Variants in CABCOCO1 observed in about 807,000 individuals in gnomAD.
CABCOCO1 encodes the protein ciliary associated calcium binding coiled-coil 1, also known as ciliary-associated calcium-binding coiled-coil protein 1.
Under a neutral mutation model 35.7 loss-of-function variants are expected in CABCOCO1, and 28 were observed. The observed-to-expected ratio is 0.78, with a 90% CI of 0.58 to 1.07. CABCOCO1 has a LOEUF of 1.07. Among genes scored for constraint, CABCOCO1 ranks in the 50% least tolerant of loss-of-function variants. The pLI, the probability that CABCOCO1 is intolerant of heterozygous loss-of-function variation, is 0.00. For synonymous variants in CABCOCO1, 95 were observed against 100.1 expected, an observed-to-expected ratio of 0.95 and a Z score of 0.30; for missense variants, 326 against 309.2, an observed-to-expected ratio of 1.05 and a Z score of -0.41.
At chr10:61,689,989 A>T (rs1840086748) in intron 4 of CABCOCO1, among the ~76,000 whole-genome samples, 1 of 152,070 alleles carries the variant, frequency 6.6e-6, no homozygotes, top group African/African-American at 2.4e-5. Context: ...TTTCCCTTTC[A>T]TGTATGACCG....
chr10:61,703,738 C>T (rs918054792), intron 5 of CABCOCO1, among the ~76,000 whole-genome samples: 5 of 152,088 alleles, frequency 3.3e-5, no homozygotes, highest in African/African-American at 9.7e-5. Context: ...CACACACACA[C>T]ATATGCACGC....
At chr10:61,679,748 T>C (rs2393828) in intron 2 of CABCOCO1, among the ~76,000 whole-genome samples, 4 of 151,790 alleles carry the variant, frequency 2.6e-5, no homozygotes, top group Admixed American at 6.6e-5. Flanking sequence ...GAAAGAGAAA[T>C]AGCAAATCAA....
At chr10:61,752,521 C>T (rs1171930533) in intron 5 of CABCOCO1, among the ~76,000 whole-genome samples, 2 of 152,152 alleles carry the variant, frequency 1.3e-5, no homozygotes, top group Admixed American at 6.6e-5. Flanking sequence ...AAACATCATG[C>T]TTTCTGCAAA....
chr10:61,726,216 A>G (rs1312434467), intron 5 of CABCOCO1, among the ~76,000 whole-genome samples: 10 of 152,216 alleles, frequency 6.6e-5, no homozygotes, highest in Non-Finnish European at 1.5e-5. Context: ...GTTATTTATT[A>G]CAATCACGAA....
At chr10:61,729,788 A>G (rs1290483601) in intron 5 of CABCOCO1, among the ~76,000 whole-genome samples, 1 of 152,206 alleles carries the variant, frequency 6.6e-6, no homozygotes, top group East Asian at 1.9e-4. Flanking sequence ...GCCTTTAAAA[A>G]GAAGGCAATT....
At chr10:61,734,969 G>A (rs1841383829) in intron 5 of CABCOCO1, among the ~76,000 whole-genome samples, 1 of 152,082 alleles carries the variant, frequency 6.6e-6, no homozygotes, top group Non-Finnish European at 1.5e-5. Context: ...ACCTTAAAAT[G>A]TTAAATAAAA....
At chr10:61,680,710 TGTATAACATATATATTATATATATA>T (rs1373496373) in intron 2 of CABCOCO1, among the ~76,000 whole-genome samples, 2 of 102,558 alleles carry the variant, frequency 2.0e-5, no homozygotes, top group African/African-American at 8.0e-5. Context: ...ATGTTATACA[TGTATAACATATATATTATATATATA>T]ATATATATAT....
At chr10:61,730,186 G>A in intron 5 of CABCOCO1, among the ~76,000 whole-genome samples, 1 of 149,066 alleles carries the variant, frequency 6.7e-6, no homozygotes, top group Non-Finnish European at 1.5e-5. Context: ...AAAAAAACTA[G>A]AGCTTCTTAA....
intron 1 of CABCOCO1, among the ~76,000 whole-genome samples, chr10:61,672,209 G>T (rs1409580520): frequency 6.6e-6 from 1 of 152,046 alleles, no homozygotes; most frequent in Non-Finnish European, 1.5e-5. Context: ...CTTTCTTTTA[G>T]ACTGAATGCC....
At position 61,763,177 on chromosome 10, in the gene CABCOCO1, C is replaced by A. The variant is rs150494616; in HGVS notation, c.816+2174C>A. Among the ~76,000 whole-genome samples the A allele has an allele frequency of 4.6e-3, 696 of 151,968 alleles. 9 individuals are homozygous for A. Among genetic ancestry groups the A allele is most frequent in the African/African-American group, 0.016 (648 of 41,492 alleles). ...TTGTTTAAAAGTCATACTGTTATTA[C>A]AATTTTTGCAAAAAAAAGGCAGTAA... On this transcript the variant is annotated intron_variant, in intron 7 of 7. Transcript: ENST00000648843.
At chr10:61,740,152 G>T (rs918356107) in intron 5 of CABCOCO1, among the ~76,000 whole-genome samples, 1 of 152,230 alleles carries the variant, frequency 6.6e-6, no homozygotes, top group African/African-American at 2.4e-5. Flanking sequence ...TAAGTTTAAT[G>T]TGATATTGGA....
At chr10:61,721,180 T>C (rs1841011185) in intron 5 of CABCOCO1, among the ~76,000 whole-genome samples, 1 of 151,782 alleles carries the variant, frequency 6.6e-6, no homozygotes, top group Non-Finnish European at 1.5e-5. Context: ...CGTCTCAGCC[T>C]CCCAAAGTGC....
chr10:61,726,112 A>G (rs1167053041), intron 5 of CABCOCO1, among the ~76,000 whole-genome samples: 1 of 152,172 alleles, frequency 6.6e-6, no homozygotes. Context: ...AGGCAGGCAT[A>G]CCCCTTGACA....
chr10:61,740,954 C>T (rs1841536922), intron 5 of CABCOCO1, among the ~76,000 whole-genome samples: 1 of 152,030 alleles, frequency 6.6e-6, no homozygotes, highest in African/African-American at 2.4e-5. Context: ...CGAGACCAGC[C>T]TGACCAACAT....
At chr10:61,667,795 G>T (rs978818382) in intron 1 of CABCOCO1, among the ~76,000 whole-genome samples, 5 of 151,732 alleles carry the variant, frequency 3.3e-5, no homozygotes, top group Non-Finnish European at 5.9e-5. Flanking sequence ...TAGGTATGCA[G>T]CCTTGTAATC....
Position 61,766,076 on chromosome 10 carries a change from CAG to C in CABCOCO1, c.*65_*66del, listed in dbSNP as rs1388722401. 8.3e-6 allele frequency: 12 copies of C among 1,444,060 alleles called. No homozygotes were observed. Among genetic ancestry groups the C allele is most frequent in the Non-Finnish European group, 1.2e-5 (12 of 1,038,298 alleles). 89.5% of individuals were successfully genotyped at this position (1,444,060 alleles called of 1,614,324 possible). A position where few individuals can be genotyped will look rare whatever the true frequency, so the allele number is the denominator to read the frequency against. ...AAACAAACAAAACCAGCCAGAATAACAGACTCTCTGGAGCGTCGTGTCTCCAT... is the reference window on the plus strand; with the variant it reads ...AAACAAACAAAACCAGCCAGAATAACACTCTCTGGAGCGTCGTGTCTCCAT... On this transcript the variant is annotated 3_prime_UTR_variant, in exon 8 of 8. Transcript: ENST00000648843.
chr10:61,756,487 T>G (rs1204705714), intron 5 of CABCOCO1, among the ~76,000 whole-genome samples: 1 of 152,066 alleles, frequency 6.6e-6, no homozygotes, highest in Non-Finnish European at 1.5e-5. Flanking sequence ...CTGCTCATTA[T>G]CAGAAAAAAT....
At chr10:61,732,333 C>T (rs566701072) in intron 5 of CABCOCO1, among the ~76,000 whole-genome samples, 3 of 151,972 alleles carry the variant, frequency 2.0e-5, no homozygotes, top group East Asian at 3.9e-4. Context: ...TAAGCAAGTA[C>T]TTTTCATTTC....
At chr10:61,718,817 C>T (rs1840928961) in intron 5 of CABCOCO1, among the ~76,000 whole-genome samples, 1 of 152,152 alleles carries the variant, frequency 6.6e-6, no homozygotes, top group Admixed American at 6.5e-5. Context: ...CAGCTTGTCA[C>T]TGTATTATAT....
Sources: allele counts gnomAD v4.1 joint callset (sites outside exome capture counted in the v4.1 genomes callset), GRCh38; gene constraint gnomAD v4.1.1; transcripts MANE v1.5; gene names NCBI Gene and HGNC (gene_info 2026-07-23, HGNC 2026-07-21).